The following REPS1 variants were observed in gnomAD, a reference collection of about 807,000 sequenced individuals.
REPS1 encodes the protein ralBP1-associated Eps domain-containing protein 1.
REPS1 carries 39 observed loss-of-function variants against 100.9 expected under a neutral mutation model. That is an observed-to-expected ratio of 0.39 (90% CI 0.30 to 0.50). The LOEUF (loss-of-function observed/expected upper bound fraction) is 0.50, where lower values mean the gene tolerates loss of function less well. Ranked by LOEUF, REPS1 falls within the 20% of genes least tolerant of loss-of-function variation. The probability of loss-of-function intolerance (pLI) is 0.86; values close to 1 mark genes in which losing one functional copy is unlikely to be tolerated. For synonymous variants in REPS1, 324 were observed against 340.3 expected (o/e 0.95, Z 0.53); for missense variants, 821 against 968.5 (o/e 0.85, Z 2.02).
chr6:138,956,663 C>T (rs1169939741), intron 1 of REPS1, among the ~76,000 whole-genome samples: 1 of 151,964 alleles, frequency 6.6e-6, no homozygotes, highest in African/African-American at 2.4e-5. Flanking sequence ...TTCCCTGCCC[C>T]CTCAAAAAAA....
intron 19 of REPS1, among the ~76,000 whole-genome samples, chr6:138,905,714 T>A (rs1031458964): frequency 2.0e-5 from 3 of 152,348 alleles, no homozygotes; most frequent in African/African-American, 7.2e-5. Flanking sequence ...TTTGCAACAA[T>A]GGGTATTAAC....
At chr6:138,917,447 C>A in intron 13 of REPS1, 108 bp downstream of exon 13, 2 of 830,068 alleles carry the variant, frequency 2.4e-6, no homozygotes, top group African/African-American at 1.7e-5. Flanking sequence ...AAAAAGTAAC[C>A]TAACAGCTTT....
chr6:138,959,488 A>C (rs1019097188), intron 1 of REPS1, among the ~76,000 whole-genome samples: 21 of 151,446 alleles, frequency 1.4e-4, no homozygotes, highest in African/African-American at 5.1e-4. Flanking sequence ...AAATGGAATC[A>C]AAATTAGGAT....
chr6:138,978,909 A>G (rs546085806), intron 1 of REPS1, among the ~76,000 whole-genome samples: 18 of 152,206 alleles, frequency 1.2e-4, no homozygotes, highest in African/African-American at 4.3e-4. Context: ...GTGGCCGGGC[A>G]CGGTGGCTCA....
chr6:138,932,836 T>C (rs565060135), intron 8 of REPS1, among the ~76,000 whole-genome samples: 98 of 152,338 alleles, frequency 6.4e-4, no homozygotes, highest in African/African-American at 2.3e-3. Flanking sequence ...TCAGTATTTG[T>C]TTCCAATGGT....
intron 4 of REPS1, 27 bp from the exon 5 acceptor site, chr6:138,944,649 G>A: frequency 6.3e-7 from 1 of 1,589,976 alleles, no homozygotes; most frequent in Non-Finnish European, 8.6e-7. Flanking sequence ...TAAACATGCT[G>A]ACTCATGTTT....
Position 138,905,104 on chromosome 6 carries a change from T to C in REPS1, c.2351A>G (p.Glu784Gly). 2 of 1,613,702 alleles carry C rather than the reference T, an allele frequency of 1.2e-6. No homozygotes were observed. The highest frequency in any genetic ancestry group is 1.7e-6 in the Non-Finnish European group (2 of 1,179,644). ...TGGTCGAAGTTGTTCCAGTTGAACT[T>C]CCAGGGAAATTCTCTCCTCAAGAAC... ...KDVLEERISL[E>G]VQLEQLRPFS... is the part of the protein sequence containing the mutation. The change falls in exon 20 of 20, where the codon GAA (glutamate) becomes GGA (glycine). Residue 784 changes from glutamate to glycine, a missense_variant. Physicochemically the swap from Glu to Gly is moderately conservative, Grantham distance 98. Transcript: ENST00000450536.
At chr6:138,944,697 T>C in intron 4 of REPS1, 75 bp from the exon 5 acceptor site, 1 of 1,422,994 alleles carries the variant, frequency 7.0e-7, no homozygotes, top group Non-Finnish European at 9.6e-7. Context: ...TTTCCAACTC[T>C]TACTCTGAAG....
rs1474740116 is a variant in REPS1, at chr6:138,945,206, A to C, written c.628+13T>G. ...CAACACAATGACACTCTAATCAATC[A>C]ATCTCTAAATACCTGATTGTGCTTC... On this transcript the variant is annotated intron_variant, in intron 4 of 19. Coordinates refer to ENST00000450536, the MANE Select transcript of REPS1 (RefSeq NM_001286611.2). 6.3e-7 allele frequency: 1 copy of C among 1,590,714 alleles called. No homozygotes were observed. Among genetic ancestry groups the C allele is most frequent in the Non-Finnish European group, 8.6e-7 (1 of 1,169,390 alleles).
intron 1 of REPS1, among the ~76,000 whole-genome samples, chr6:138,948,900 C>T (rs1420612228): frequency 6.6e-6 from 1 of 152,180 alleles, no homozygotes; most frequent in East Asian, 1.9e-4. Context: ...CATTTATTTA[C>T]ATACACAAAA....
chr6:138,978,737 T>C lies in REPS1; in HGVS notation c.153+8793A>G, dbSNP rs374474597. ...TTACTTTCATATTAAGATTTTATGT[T>C]ACTACTACACTGTTAATCCTGCCTC... On this transcript the variant is annotated intron_variant, in intron 1 of 19. Transcript: ENST00000450536. 2.6e-5 allele frequency among the ~76,000 whole-genome samples: 4 copies of C among 152,300 alleles called. No homozygotes were observed. In the East Asian group the frequency reaches 7.7e-4, roughly 29 times the overall value.
intron 8 of REPS1, among the ~76,000 whole-genome samples, chr6:138,931,024 C>A (rs1781452771): frequency 6.6e-6 from 1 of 152,058 alleles, no homozygotes; most frequent in African/African-American, 2.4e-5. Context: ...CCGATTCTTC[C>A]AAGCTGGCTT....
chr6:138,945,324 G>A lies in REPS1; in HGVS notation c.523C>T (p.Pro175Ser). ...CGGCTGTGCTTCCTCCATGTGTGTG[G>A]AGAAGTTGGTGGGGATTGCTGTGGT... ...VSPQQSPPTS[P>S]HTWRKHSRHP... Residue 175 changes from proline to serine, a missense_variant, in exon 4 of 20, where the codon CCA becomes TCA. By Grantham distance (74) the Pro-to-Ser change is moderately conservative. Around this residue, in one of 3 missense-constraint regions of REPS1, gnomAD observed 757 missense variants for 866.4 expected, o/e 0.87. Transcript: ENST00000450536. The A allele has an allele frequency of 6.2e-7, 1 of 1,612,468 alleles. No individual in the cohort carries two copies. Among genetic ancestry groups the A allele is most frequent in the Non-Finnish European group, 8.5e-7 (1 of 1,179,586 alleles).
chr6:138,970,011 C>A (rs925421257), intron 1 of REPS1, among the ~76,000 whole-genome samples: 2 of 151,850 alleles, frequency 1.3e-5, no homozygotes, highest in Non-Finnish European at 2.9e-5. Context: ...AGGTGGTACA[C>A]TGAAGCTAGA....
intron 10 of REPS1, among the ~76,000 whole-genome samples, chr6:138,923,536 C>G (rs1780914809): frequency 6.6e-6 from 1 of 152,324 alleles, no homozygotes; most frequent in East Asian, 1.9e-4. Flanking sequence ...CAATCAATCA[C>G]AGCAAAGACT....
At position 138,941,863 on chromosome 6, in the gene REPS1, T is replaced by C. The variant is rs886319100; in HGVS notation, c.981-374A>G. ...GTTTTTATGTTATCAAAATTCACCA[T>C]GTATGTACTTTATTTTTTGTTTTTA... On this transcript the variant is annotated intron_variant, in intron 7 of 19. Coordinates refer to ENST00000450536, the MANE Select transcript of REPS1 (RefSeq NM_001286611.2). Among the ~76,000 whole-genome samples the C allele has an allele frequency of 3.9e-5, 6 of 152,196 alleles. No individual in the cohort carries two copies. The South Asian group carries it at 1.2e-3, about 31-fold the overall frequency.
chr6:138,967,216 C>A (rs1204111760), intron 1 of REPS1, among the ~76,000 whole-genome samples: 1 of 152,210 alleles, frequency 6.6e-6, no homozygotes, highest in East Asian at 1.9e-4. Flanking sequence ...TCCCAGCCCC[C>A]AGAACTGTAA....
chr6:138,932,024 G>A (rs1474451973), intron 8 of REPS1, among the ~76,000 whole-genome samples: 1 of 152,046 alleles, frequency 6.6e-6, no homozygotes, highest in African/African-American at 2.4e-5. Context: ...ATCAATCTTA[G>A]GGCAATCTGC....
chr6:138,949,305 A>G (rs1293187049), intron 1 of REPS1, among the ~76,000 whole-genome samples: 2 of 152,206 alleles, frequency 1.3e-5, no homozygotes, highest in African/African-American at 2.4e-5. Context: ...CAGAATCTCA[A>G]TGCTGTTTTA....
Sources: gnomAD v4.1 joint callset for allele counts (sites outside exome capture counted in the v4.1 genomes callset) on GRCh38, gnomAD v4.1.1 for gene constraint, gnomAD v4.1.1 regional missense constraint, MANE v1.5 for transcripts, NCBI Gene and HGNC (gene_info 2026-07-23, HGNC 2026-07-21) for gene names.